The following HTN3 variants were observed in gnomAD, a reference collection of about 807,000 sequenced individuals.
HTN3 encodes the protein histatin 3.
Under a neutral mutation model 10.6 loss-of-function variants are expected in HTN3, and 15 were observed. The observed-to-expected ratio is 1.42, with a 90% CI of 0.95 to 2.18. The LOEUF (loss-of-function observed/expected upper bound fraction) is 2.18, where lower values mean the gene tolerates loss of function less well. HTN3 is among the 30% of genes most tolerant of loss of function. The pLI is 0.00. For synonymous variants in HTN3, 15 were observed against 16.9 expected (o/e 0.89, Z 0.27); for missense variants, 68 against 58.0 (o/e 1.17, Z -0.56).
At position 70,032,089 on chromosome 4, in the gene HTN3, G is replaced by C; in HGVS notation, c.84G>C (p.Gly28=). 6.5e-7 allele frequency: 1 copy of C among 1,530,742 alleles called. No homozygotes were observed. The highest frequency in any genetic ancestry group is 1.2e-5 in the South Asian group (1 of 86,288). 94.8% of individuals were successfully genotyped at this position (1,530,742 alleles called of 1,614,324 possible). A position where few individuals can be genotyped will look rare whatever the true frequency, so the allele number is the denominator to read the frequency against. The change falls in exon 4 of 6, where the codon GGG becomes GGC. Residue 28 remains glycine (G), a synonymous_variant. Coordinates refer to ENST00000673563, the MANE Select transcript of HTN3 (RefSeq NM_000200.3). ...TTTTTATTTCATAGAGACATCATGG[G>C]TATAAAAGAAAATTCCATGTAAGTG... ...GADSHAKRHH[G]YKRKFHEKHH...
At chr4:70,028,925 C>T (rs142876681) in intron 1 of HTN3, among the ~76,000 whole-genome samples, 2,168 of 152,080 alleles carry the variant, frequency 0.014, 25 homozygotes, top group East Asian at 0.034. Context: ...TTACTTTCCT[C>T]TTAGTCGTAA....
intron 2 of HTN3, among the ~76,000 whole-genome samples, chr4:70,031,660 A>C (rs554128034): frequency 2.7e-4 from 41 of 152,260 alleles, no homozygotes; most frequent in African/African-American, 9.9e-4. Flanking sequence ...GAACATATTC[A>C]TATAAAAAAC....
At chr4:70,030,330 T>G (rs544273148) in intron 1 of HTN3, among the ~76,000 whole-genome samples, 4 of 152,300 alleles carry the variant, frequency 2.6e-5, no homozygotes, top group Admixed American at 2.6e-4. Context: ...CTCACCTTTA[T>G]TTATCAATTA....
chr4:70,030,650 A>G (rs1725362389), intron 1 of HTN3, 78 bp from the exon 2 acceptor site: 1 of 964,788 alleles, frequency 1.0e-6, no homozygotes, highest in Non-Finnish European at 1.7e-6. Context: ...GCTTTGAAGC[A>G]TAGTGTCATC....
intron 1 of HTN3, among the ~76,000 whole-genome samples, chr4:70,028,721 T>C (rs536856025): frequency 6.6e-6 from 1 of 152,228 alleles, no homozygotes; most frequent in Non-Finnish European, 1.5e-5. Context: ...AAGTAACTAA[T>C]GTGGAATATG....
intron 2 of HTN3, 145 bp downstream of exon 2, chr4:70,030,936 A>G (rs562075854): frequency 4.6e-6 from 3 of 647,244 alleles, no homozygotes; most frequent in East Asian, 6.0e-5. Context: ...GAATTAACCT[A>G]TATAAGTTCT....
chr4:70,032,179 T>C, intron 4 of HTN3, 72 bp downstream of exon 4: 1 of 965,124 alleles, frequency 1.0e-6, no homozygotes. Context: ...CTAGAATAAT[T>C]GATAGTTATC....
At chr4:70,032,234 T>G in intron 4 of HTN3, 127 bp downstream of exon 4, 1 of 711,668 alleles carries the variant, frequency 1.4e-6, no homozygotes, top group East Asian at 3.0e-5. Flanking sequence ...GTACATTGAT[T>G]TCATTTATTC....
At chr4:70,034,418 G>T (rs1019446439) in intron 5 of HTN3, 2 of 152,108 alleles carry the variant, frequency 1.3e-5, no homozygotes, top group African/African-American at 2.4e-5. Flanking sequence ...ACACTTCTCA[G>T]AAGAAGACAT....
chr4:70,030,867 G>C, intron 2 of HTN3, 76 bp downstream of exon 2: 1 of 1,135,238 alleles, frequency 8.8e-7, no homozygotes, highest in Non-Finnish European at 1.3e-6. Flanking sequence ...CTTACGTTCT[G>C]CCATATATTC....
At chr4:70,030,657 C>T in intron 1 of HTN3, 71 bp from the exon 2 acceptor site, 1 of 1,012,730 alleles carries the variant, frequency 9.9e-7, no homozygotes. Context: ...AGCATAGTGT[C>T]ATCAGTAGAA....
At position 70,031,993 on chromosome 4, in the gene HTN3, T is replaced by C; in HGVS notation, c.66T>C (p.His22=). ...TCTTTTCCAAGGGAGCTGATTCACA[T>C]GCAAAGGTAAGACATTTTCATTTAC... The part of the protein sequence containing the change: ...LMLSMTGADS[H]AKRHHGYKRK... The change falls in exon 3 of 6, where the codon CAT becomes CAC. Residue 22 remains histidine, a synonymous_variant. Coordinates refer to ENST00000673563, the MANE Select transcript of HTN3 (RefSeq NM_000200.3). The C allele has an allele frequency of 6.4e-7, 1 of 1,557,614 alleles. No homozygotes were observed. Among genetic ancestry groups the C allele is most frequent in the Non-Finnish European group, 8.8e-7 (1 of 1,133,008 alleles).
intron 2 of HTN3, among the ~76,000 whole-genome samples, chr4:70,031,569 TAAG>T (rs1199157866): frequency 8.5e-5 from 13 of 152,150 alleles, no homozygotes; most frequent in Non-Finnish European, 1.5e-4. Context: ...AATAAACATA[TAAG>T]AAGAACAGAG....
chr4:70,033,042 T>C, intron 4 of HTN3, 125 bp from the exon 5 acceptor site: 1 of 660,898 alleles, frequency 1.5e-6, no homozygotes, highest in Non-Finnish European at 2.6e-6. Context: ...AACATTTATG[T>C]AGATAACACA....
At chr4:70,030,893 C>CAGCTTTATA in intron 2 of HTN3, 102 bp downstream of exon 2, 1 of 860,218 alleles carries the variant, frequency 1.2e-6, no homozygotes, top group Non-Finnish European at 1.9e-6. Context: ...CACCTCAATA[C>CAGCTTTATA]AGCTTTAATA....
At chr4:70,032,130 G>T (rs759331701) in intron 4 of HTN3, 23 bp downstream of exon 4, 1 of 1,443,830 alleles carries the variant, frequency 6.9e-7, no homozygotes, top group Non-Finnish European at 9.7e-7. Flanking sequence ...CTGATAATGT[G>T]CACTCTGAAT....
intron 5 of HTN3, among the ~76,000 whole-genome samples, chr4:70,034,797 C>A (rs1375811646): frequency 6.6e-6 from 1 of 152,104 alleles, no homozygotes; most frequent in Non-Finnish European, 1.5e-5. Context: ...ATGGAACAAC[C>A]CAAATGCCCA....
At position 70,033,193 on chromosome 4, in the gene HTN3, T is replaced by C. The variant is rs768439835; in HGVS notation, c.129T>C (p.Tyr43=). ...FHEKHHSHRG[Y]RSNYLYDN Reference sequence around the variant, plus strand: ...AAAAGCATCATTCACATCGAGGCTATAGATCAAATTATCTGTATGACAATT... The same window carrying C: ...AAAAGCATCATTCACATCGAGGCTACAGATCAAATTATCTGTATGACAATT... The change falls in exon 5 of 6, where the codon TAT becomes TAC. Residue 43 remains tyrosine, a synonymous_variant. Transcript: ENST00000673563. 14 of 1,604,264 alleles carry C rather than the reference T, an allele frequency of 8.7e-6. No homozygotes were observed. The highest frequency in any genetic ancestry group is 1.2e-5 in the Non-Finnish European group (14 of 1,173,636).
intron 4 of HTN3, among the ~76,000 whole-genome samples, chr4:70,032,682 A>G (rs1265753721): frequency 6.6e-6 from 1 of 152,098 alleles, no homozygotes; most frequent in East Asian, 1.9e-4. Flanking sequence ...GCACTAAGTA[A>G]AATGATGCAT....
Sources: allele counts gnomAD v4.1 joint callset (sites outside exome capture counted in the v4.1 genomes callset), GRCh38; gene constraint gnomAD v4.1.1; transcripts MANE v1.5; gene names NCBI Gene and HGNC (gene_info 2026-07-23, HGNC 2026-07-21).